HOXC11: variants seen among roughly 807,000 people sequenced by gnomAD.
The protein encoded by HOXC11 is homeobox protein Hox-C11.
Under a neutral mutation model 23.6 loss-of-function variants are expected in HOXC11, and 17 were observed. The ratio of observed to expected loss-of-function variants is 0.72; its 90% CI spans 0.49 to 1.08. HOXC11 has a LOEUF of 1.08. Ranked by LOEUF, HOXC11 falls within the 50% of genes least tolerant of loss-of-function variation. The pLI is 0.00. For missense variants in HOXC11, 413 were observed against 412.1 expected, an observed-to-expected ratio of 1.00 and a Z score of -0.02; for synonymous variants, 196 against 183.8, an observed-to-expected ratio of 1.07 and a Z score of -0.54.
chr12:53,974,096 T>G lies in HOXC11; in HGVS notation c.682+173T>G, dbSNP rs1176850893. Among the ~76,000 whole-genome samples, 3 of 149,154 alleles carry G rather than the reference T, an allele frequency of 2.0e-5. No homozygotes were observed. In the East Asian group the frequency reaches 6.3e-4, roughly 31 times the overall value. On this transcript the variant is annotated intron_variant, in intron 1 of 1. Coordinates refer to ENST00000546378, the MANE Select transcript of HOXC11 (RefSeq NM_014212.4). ...GATTTTATTATAACCTACAAAGCCC[T>G]CTCTCCCAACGACTCGACTTTTTAC... is the stretch of plus-strand genomic sequence containing the variant.
Position 53,973,481 on chromosome 12 carries a change from CG to C in HOXC11, c.242del (p.Gly81AlafsTer35). 1 of 1,614,146 alleles carries C rather than the reference CG, an allele frequency of 6.2e-7. No homozygotes were observed. The highest frequency in any genetic ancestry group is 8.5e-7 in the Non-Finnish European group (1 of 1,180,032). ...REVSYGLEPS[G>X]KWHHRNSYSS... is the part of the protein sequence containing the mutation. The stretch of plus-strand genomic sequence containing the variant: ...AGGTCTCCTACGGCCTGGAGCCATC[CG>C]GCAAGTGGCACCATCGGAACAGCTA... On this transcript the variant is annotated frameshift_variant, in exon 1 of 2. Transcript: ENST00000546378. LOFTEE classifies it high-confidence loss of function. This position sits in a 1 kb window ranked among gnomAD's most constrained non-coding sequence, Gnocchi z 4.3.
At position 53,973,261 on chromosome 12, in the gene HOXC11, T is replaced by C. The variant is rs1252999468; in HGVS notation, c.20T>C (p.Leu7Pro). 1.2e-6 allele frequency: 2 copies of C among 1,609,246 alleles called. No individual in the cohort carries two copies. The highest frequency in any genetic ancestry group is 1.7e-5 in the Admixed American group (1 of 59,850). Residue 7 changes from leucine (L) to proline (P), a missense_variant, in exon 1 of 2, where the codon CTG becomes CCG. Coordinates refer to ENST00000546378, the MANE Select transcript of HOXC11 (RefSeq NM_014212.4). The surrounding 1 kb of genome is among the most constrained non-coding windows in gnomAD (Gnocchi z 4.3). ...AGAACGATGTTTAACTCGGTCAACC[T>C]GGGCAACTTCTGCTCTCCGTCGCGC... MFNSVNLGNFCSPSRKE... is the reference protein window; with the variant it reads MFNSVNPGNFCSPSRKE...
In HOXC11 at chr12:53,973,910, A is replaced by G. The variant is rs1001373646; in HGVS notation, c.669A>G (p.Lys223=). 5 of 1,444,152 alleles carry G rather than the reference A, an allele frequency of 3.5e-6. No individual in the cohort carries two copies. In the African/African-American group the frequency reaches 7.2e-5, roughly 21 times the overall value. The allele number at this position is 1,444,152 out of a possible 1,614,324, so 89.5% of individuals were successfully genotyped here. ...SAHSVAKEPA[K]GAAPNAPRTR... is the part of the protein sequence containing the mutation. ...ACTCCGTGGCCAAGGAGCCGGCCAA[A>G]GGAGCCGCCCCCAGTAGGTAGCAGC... is the stretch of plus-strand genomic sequence containing the variant. Residue 223 remains lysine, a synonymous_variant, in exon 1 of 2, where the codon AAA becomes AAG. Transcript: ENST00000546378. The surrounding 1 kb of genome is among the most constrained non-coding windows in gnomAD (Gnocchi z 4.3).
In HOXC11 at chr12:53,973,307, C is replaced by A; in HGVS notation, c.66C>A (p.Phe22Leu). The A allele has an allele frequency of 6.2e-7, 1 of 1,613,984 alleles. No individual in the cohort carries two copies. Among genetic ancestry groups the A allele is most frequent in the East Asian group, 2.2e-5 (1 of 44,840 alleles). The change falls in exon 1 of 2, where the codon TTC becomes TTA. Residue 22 changes from phenylalanine to leucine, a missense_variant. By Grantham distance (22) the Phe-to-Leu change is conservative. Transcript: ENST00000546378. This position sits in a 1 kb window ranked among gnomAD's most constrained non-coding sequence, Gnocchi z 4.3. ...CGCGCAAGGAGAGGGGCGCAGATTT[C>A]GGCGAGCGAGGGAGCTGCGCCTCCA... is the stretch of plus-strand genomic sequence containing the variant. Reference protein sequence around the residue: ...SPSRKERGADFGERGSCASNL... With the variant: ...SPSRKERGADLGERGSCASNL...
In HOXC11 at chr12:53,973,630, C is replaced by G. The variant is rs146287117; in HGVS notation, c.389C>G (p.Pro130Arg). The G allele has an allele frequency of 9.3e-6, 15 of 1,613,652 alleles. No individual in the cohort carries two copies. The African/African-American group carries it at 1.9e-4, about 20-fold the overall frequency. Residue 130 changes from proline to arginine, a missense_variant, in exon 1 of 2, where the codon CCG (proline) becomes CGG (arginine). By Grantham distance (103) the Pro-to-Arg change is moderately radical. Coordinates refer to ENST00000546378, the MANE Select transcript of HOXC11 (RefSeq NM_014212.4). This position sits in a 1 kb window ranked among gnomAD's most constrained non-coding sequence, Gnocchi z 4.3. The part of the protein sequence containing the change: ...SYGGHHHPSA[P>R]HATPAGFYSS... ...GGCGGCCACCACCACCCCAGCGCCCCGCACGCAACCCCCGCCGGCTTCTAC... is the reference window on the plus strand; with the variant it reads ...GGCGGCCACCACCACCCCAGCGCCCGGCACGCAACCCCCGCCGGCTTCTAC...
chr12:53,975,261 G>A lies in HOXC11; in HGVS notation c.763G>A (p.Val255Met). The change falls in exon 2 of 2, where the codon GTG (valine) becomes ATG (methionine). Residue 255 changes from valine to methionine, a missense_variant. Val to Met is a conservative substitution (Grantham distance 21). Transcript: ENST00000546378. ...RELEREFFFN[V>M]YINKEKRLQL... ...ACTGGAGCGAGAGTTTTTCTTCAAC[G>A]TGTATATCAACAAAGAGAAGCGGCT... 1 of 1,613,188 alleles carries A rather than the reference G, an allele frequency of 6.2e-7. No homozygotes were observed. Among genetic ancestry groups the A allele is most frequent in the Non-Finnish European group, 8.5e-7 (1 of 1,179,856 alleles).
intron 1 of HOXC11, among the ~76,000 whole-genome samples, chr12:53,974,192 A>C (rs1329851913): frequency 6.6e-6 from 1 of 152,048 alleles, no homozygotes; most frequent in Non-Finnish European, 1.5e-5. Context: ...CTCCCCCGTT[A>C]TCTCCCTCGG....
chr12:53,975,172 T>A lies in HOXC11; in HGVS notation c.683-9T>A. On this transcript the variant is annotated splice_polypyrimidine_tract_variant and intron_variant, in intron 1 of 1. Transcript: ENST00000546378. Reference sequence around the variant, plus strand: ...CTCTCCTCGCACTTGCCCCCTCCCCTCCCTCCAGACGCCCCCCGCACCCGC... The same window carrying A: ...CTCTCCTCGCACTTGCCCCCTCCCCACCCTCCAGACGCCCCCCGCACCCGC... 1.7e-4 allele frequency: 155 copies of A among 903,652 alleles called. No homozygotes were observed. Among genetic ancestry groups the A allele is most frequent in the Non-Finnish European group, 2.2e-4 (143 of 649,546 alleles). 56.0% of individuals were successfully genotyped at this position (903,652 alleles called of 1,614,324 possible).
rs1343746357 is a variant in HOXC11 at position 53,975,335 on chromosome 12, G to A, written c.837G>A (p.Trp279Ter). 1 of 1,613,910 alleles carries A rather than the reference G, an allele frequency of 6.2e-7. No individual in the cohort carries two copies. Among genetic ancestry groups the A allele is most frequent in the Non-Finnish European group, 8.5e-7 (1 of 1,179,998 alleles). Residue 279 changes from tryptophan to a stop codon, truncating the protein, a stop_gained, in exon 2 of 2, where the codon TGG (tryptophan) becomes TGA (stop). Coordinates refer to ENST00000546378, the MANE Select transcript of HOXC11 (RefSeq NM_014212.4). LOFTEE classifies it high-confidence loss of function. ...TGACGGACCGACAAGTGAAAATTTG[G>A]TTTCAGAACAGAAGGATGAAAGAAA... is the stretch of plus-strand genomic sequence containing the variant. ...LNLTDRQVKIWFQNRRMKEKK... is the reference protein window; with the variant it reads ...LNLTDRQVKI
At position 53,975,184 on chromosome 12, in the gene HOXC11, C is replaced by T. The variant is rs890779064; in HGVS notation, c.686C>T (p.Ala229Val). ...KEPAKGAAPN[A>V]PRTRKKRCPY... is the part of the protein sequence containing the mutation. ...TTGCCCCCTCCCCTCCCTCCAGACG[C>T]CCCCCGCACCCGCAAGAAGCGCTGC... The change falls in exon 2 of 2, where the codon GCC becomes GTC. Residue 229 changes from alanine (A) to valine (V), a missense_variant. Ala to Val is a moderately conservative substitution (Grantham distance 64, BLOSUM62 0). Transcript: ENST00000546378. The T allele has an allele frequency of 1.9e-6, 3 of 1,589,760 alleles. No individual in the cohort carries two copies. The highest frequency in any genetic ancestry group is 1.7e-5 in the Admixed American group (1 of 58,636).
In HOXC11 at chr12:53,976,111, T is replaced by C. The variant is rs1939253441; in HGVS notation, c.*698T>C. On this transcript the variant is annotated 3_prime_UTR_variant, in exon 2 of 2. Transcript: ENST00000546378. Reference sequence around the variant, plus strand: ...ACTTCATGGATTTATAGCTATAGTCTATGCAGTCGTTACCTCTTTTTTTTT... The same window carrying C: ...ACTTCATGGATTTATAGCTATAGTCCATGCAGTCGTTACCTCTTTTTTTTT... 4.4e-6 allele frequency: 1 copy of C among 225,074 alleles called. No homozygotes were observed. The highest frequency in any genetic ancestry group is 1.9e-4 in the South Asian group (1 of 5,376). The allele number at this position is 225,074 out of a possible 1,614,324, so 13.9% of individuals were successfully genotyped here. A position where few individuals can be genotyped will look rare whatever the true frequency, so the allele number is the denominator to read the frequency against.
chr12:53,973,192 G>A lies in HOXC11; in HGVS notation c.-50G>A. 2 of 1,474,570 alleles carry A rather than the reference G, an allele frequency of 1.4e-6. No individual in the cohort carries two copies. Among genetic ancestry groups the A allele is most frequent in the Non-Finnish European group, 1.8e-6 (2 of 1,103,634 alleles). The allele number at this position is 1,474,570 out of a possible 1,614,324, so 91.3% of individuals were successfully genotyped here. A position where few individuals can be genotyped will look rare whatever the true frequency, so the allele number is the denominator to read the frequency against. ...TCGCCTTCCCAAATTTTCCCCCCTC[G>A]CTAGACCGGGTCCAAAACCTCCATC... On this transcript the variant is annotated 5_prime_UTR_variant, in exon 1 of 2. Transcript: ENST00000546378. The surrounding 1 kb of genome is among the most constrained non-coding windows in gnomAD (Gnocchi z 4.3).
At position 53,973,760 on chromosome 12, in the gene HOXC11, C is replaced by T. The variant is rs1371623312; in HGVS notation, c.519C>T (p.Gly173=). ...CGCCCGCCGAGCCCCCCTGCTCCGG[C>T]AAGGGCGAGGCCAAGGGGGAGCCCG... ...GDPPAEPPCS[G]KGEAKGEPEA... Residue 173 remains glycine, a synonymous_variant, in exon 1 of 2, where the codon GGC becomes GGT. Coordinates refer to ENST00000546378, the MANE Select transcript of HOXC11 (RefSeq NM_014212.4). The surrounding 1 kb of genome is among the most constrained non-coding windows in gnomAD (Gnocchi z 4.3). The T allele has an allele frequency of 6.2e-7, 1 of 1,612,196 alleles. No homozygotes were observed. The highest frequency in any genetic ancestry group is 2.2e-5 in the East Asian group (1 of 44,834).
In HOXC11 at chr12:53,975,727, G is replaced by C; in HGVS notation, c.*314G>C. ...CACACCTCGGCGACAATGTCTTGCT[G>C]CTCGGATTAGGTGGGGGAGGGGCGA... is the stretch of plus-strand genomic sequence containing the variant. On this transcript the variant is annotated 3_prime_UTR_variant, in exon 2 of 2. Transcript: ENST00000546378. 1 of 545,758 alleles carries C rather than the reference G, an allele frequency of 1.8e-6. No individual in the cohort carries two copies. The highest frequency in any genetic ancestry group is 3.2e-6 in the Non-Finnish European group (1 of 310,812). 33.8% of individuals were successfully genotyped at this position (545,758 alleles called of 1,614,324 possible).
rs757677486 is a variant in HOXC11 at position 53,973,825 on chromosome 12, C to A, written c.584C>A (p.Ala195Glu). 98 of 1,499,396 alleles carry A rather than the reference C, an allele frequency of 6.5e-5. No individual in the cohort carries two copies. Among genetic ancestry groups the A allele is most frequent in the Non-Finnish European group, 4.4e-5 (49 of 1,125,786 alleles). The allele number at this position is 1,499,396 out of a possible 1,614,324, so 92.9% of individuals were successfully genotyped here. ...PASGLASRAE[A>E]GAEAEAEEEN... ...TCGGGACTGGCGTCCCGGGCTGAGGCGGGTGCCGAGGCGGAGGCTGAGGAG... is the reference window on the plus strand; with the variant it reads ...TCGGGACTGGCGTCCCGGGCTGAGGAGGGTGCCGAGGCGGAGGCTGAGGAG... The change falls in exon 1 of 2, where the codon GCG (alanine) becomes GAG (glutamate). Residue 195 changes from alanine to glutamate, a missense_variant. Transcript: ENST00000546378. This position sits in a 1 kb window ranked among gnomAD's most constrained non-coding sequence, Gnocchi z 4.3.
At chr12:53,974,051 A>G in intron 1 of HOXC11, 128 bp downstream of exon 1, 1 of 603,546 alleles carries the variant, frequency 1.7e-6, no homozygotes, top group East Asian at 3.9e-5. Flanking sequence ...TTTTATGTGG[A>G]GTTTTATAAG....
In HOXC11 at chr12:53,973,334, C is replaced by T; in HGVS notation, c.93C>T (p.Asn31=). 1.2e-6 allele frequency: 2 copies of T among 1,614,134 alleles called. No individual in the cohort carries two copies. The highest frequency in any genetic ancestry group is 1.7e-6 in the Non-Finnish European group (2 of 1,180,014). ...GCGAGCGAGGGAGCTGCGCCTCCAA[C>T]CTCTATCTGCCCAGTTGCACTTACT... The part of the protein sequence containing the change: ...DFGERGSCAS[N]LYLPSCTYYM... Residue 31 remains asparagine (N), a synonymous_variant, in exon 1 of 2, where the codon AAC becomes AAT. Transcript: ENST00000546378. The surrounding 1 kb of genome is among the most constrained non-coding windows in gnomAD (Gnocchi z 4.3).
Position 53,975,463 on chromosome 12 carries a change from T to G in HOXC11, c.*50T>G, listed in dbSNP as rs933989000. 1.9e-6 allele frequency: 2 copies of G among 1,073,334 alleles called. No individual in the cohort carries two copies. Among genetic ancestry groups the G allele is most frequent in the Non-Finnish European group, 2.8e-6 (2 of 711,994 alleles). The allele number at this position is 1,073,334 out of a possible 1,614,324, so 66.5% of individuals were successfully genotyped here. On this transcript the variant is annotated 3_prime_UTR_variant, in exon 2 of 2. Coordinates refer to ENST00000546378, the MANE Select transcript of HOXC11 (RefSeq NM_014212.4). ...GCGGGGGGAGGGGAAAATTATTTTA[T>G]TTTATTTTTATTTTTTATTTTCTAA...
rs1167438561 is a variant in HOXC11, at chr12:53,973,691, C to T, written c.450C>T (p.Ala150=). The stretch of plus-strand genomic sequence containing the variant: ...ACAAGAACAGCGTCCTGCCTCAAGC[C>T]TTCGACCGTTTCTTCGACAACGCCT... ...SVNKNSVLPQ[A]FDRFFDNAYC... is the part of the protein sequence containing the mutation. Residue 150 remains alanine (A), a synonymous_variant, in exon 1 of 2, where the codon GCC becomes GCT. Coordinates refer to ENST00000546378, the MANE Select transcript of HOXC11 (RefSeq NM_014212.4). The surrounding 1 kb of genome is among the most constrained non-coding windows in gnomAD (Gnocchi z 4.3). The T allele has an allele frequency of 9.3e-6, 15 of 1,613,712 alleles. No homozygotes were observed. The highest frequency in any genetic ancestry group is 1.7e-5 in the Admixed American group (1 of 60,032).
Sources: allele counts gnomAD v4.1 joint callset (sites outside exome capture counted in the v4.1 genomes callset), GRCh38; gene constraint gnomAD v4.1.1; non-coding constraint Gnocchi (gnomAD v3.1); transcripts MANE v1.5; gene names NCBI Gene and HGNC (gene_info 2026-07-23, HGNC 2026-07-21).